The following MGAT4B variants were observed in gnomAD, a reference collection of about 807,000 sequenced individuals.
MGAT4B encodes N-acetylglucosaminyltransferase IVb.
MGAT4B carries 38 observed loss-of-function variants against 73.9 expected under a neutral mutation model. The observed-to-expected ratio is 0.51, with a 90% CI of 0.40 to 0.67. MGAT4B has a LOEUF of 0.67. Among genes scored for constraint, MGAT4B ranks in the 30% least tolerant of loss-of-function variants. The pLI, the probability that MGAT4B is intolerant of heterozygous loss-of-function variation, is 0.00. For synonymous variants in MGAT4B, 373 were observed against 313.5 expected (o/e 1.19, Z -2.01); for missense variants, 686 against 735.2 (o/e 0.93, Z 0.77).
rs1209690142 is a variant in MGAT4B, at chr5:179,799,979, C to G, written c.885G>C (p.Leu295=). ...LQQPSEDWMI[L]EFSQLGFIGK... Reference sequence around the variant, plus strand: ...CAATGAAGCCCAGCTGGGAGAACTCCAGGATCATCCAGTCCTCTGAAGGCT... The same window carrying G: ...CAATGAAGCCCAGCTGGGAGAACTCGAGGATCATCCAGTCCTCTGAAGGCT... The change falls in exon 8 of 15, where the codon CTG becomes CTC. Residue 295 remains leucine (L), a synonymous_variant. Transcript: ENST00000292591. 6.2e-7 allele frequency: 1 copy of G among 1,613,938 alleles called. No individual in the cohort carries two copies. The highest frequency in any genetic ancestry group is 1.1e-5 in the South Asian group (1 of 91,078).
In MGAT4B at chr5:179,799,194, G is replaced by A; in HGVS notation, c.1149+9C>T. The A allele has an allele frequency of 1.9e-6, 3 of 1,613,946 alleles. No individual in the cohort carries two copies. The highest frequency in any genetic ancestry group is 2.5e-6 in the Non-Finnish European group (3 of 1,180,022). ...TCCCGGCCTAGGGAGAGCGTGCAGT[G>A]CAGCCCACCTTCAGTTTCTGGATCT... On this transcript the variant is annotated intron_variant, in intron 10 of 14. Coordinates refer to ENST00000292591, the MANE Select transcript of MGAT4B (RefSeq NM_014275.5).
chr5:179,797,865 G>C lies in MGAT4B; in HGVS notation c.*180C>G. On this transcript the variant is annotated 3_prime_UTR_variant, in exon 15 of 15. Coordinates refer to ENST00000292591, the MANE Select transcript of MGAT4B (RefSeq NM_014275.5). ...TGCCTCCTCCGCGGCCCGGCGGGCG[G>C]GGGCAGCACCAGCTCCTAGGGCCTC... 1.2e-6 allele frequency: 1 copy of C among 841,540 alleles called. No individual in the cohort carries two copies. Among genetic ancestry groups the C allele is most frequent in the Non-Finnish European group, 1.8e-6 (1 of 562,028 alleles). 52.1% of individuals were successfully genotyped at this position (841,540 alleles called of 1,614,324 possible).
chr5:179,801,471 T>C lies in MGAT4B; in HGVS notation c.425-4A>G. 6.2e-7 allele frequency: 1 copy of C among 1,604,884 alleles called. No homozygotes were observed. Among genetic ancestry groups the C allele is most frequent in the African/African-American group, 1.3e-5 (1 of 74,814 alleles). ...GGGATGCCCATCACCACCGACACTATGGGGGACGGAGGCCCGACGCTGGAA... is the reference window on the plus strand; with the variant it reads ...GGGATGCCCATCACCACCGACACTACGGGGGACGGAGGCCCGACGCTGGAA... On this transcript the variant is annotated splice_polypyrimidine_tract_variant and splice_region_variant and intron_variant, in intron 3 of 14. Transcript: ENST00000292591. The surrounding 1 kb of genome is among the most constrained non-coding windows in gnomAD (Gnocchi z 4.8).
intron 8 of MGAT4B, 40 bp downstream of exon 8, chr5:179,799,914 T>C: frequency 1.3e-6 from 2 of 1,539,098 alleles, no homozygotes; most frequent in Non-Finnish European, 1.8e-6. Context: ...CAGAGGCAGG[T>C]GGGACTGAAA....
At chr5:179,798,840 GA>G (rs1756774743) in intron 11 of MGAT4B, 87 bp downstream of exon 11, 4 of 1,478,834 alleles carry the variant, frequency 2.7e-6, no homozygotes, top group Non-Finnish European at 3.7e-6. Flanking sequence ...GGAAACTGAA[GA>G]ACGTGAGGAT....
chr5:179,797,914 C>G lies in MGAT4B; in HGVS notation c.*131G>C. On this transcript the variant is annotated 3_prime_UTR_variant, in exon 15 of 15. Transcript: ENST00000292591. ...TCCGGGCCAGCGGCGGACCCCAGGC[C>G]GGCCCAAGCCCGACGCCAGGCAGAA... The G allele has an allele frequency of 7.5e-7, 1 of 1,328,674 alleles. No homozygotes were observed. Among genetic ancestry groups the G allele is most frequent in the Admixed American group, 2.2e-5 (1 of 45,766 alleles). The allele number at this position is 1,328,674 out of a possible 1,614,324, so 82.3% of individuals were successfully genotyped here.
chr5:179,797,979 A>C lies in MGAT4B; in HGVS notation c.*66T>G. On this transcript the variant is annotated 3_prime_UTR_variant, in exon 15 of 15. Coordinates refer to ENST00000292591, the MANE Select transcript of MGAT4B (RefSeq NM_014275.5). ...CCGTATCTGGCCCTCCGGGGACGGC[A>C]GTGACGACACCCCCAGAAATGTGGG... 1 of 1,559,554 alleles carries C rather than the reference A, an allele frequency of 6.4e-7. No homozygotes were observed. The highest frequency in any genetic ancestry group is 1.4e-5 in the African/African-American group (1 of 73,768).
At position 179,798,075 on chromosome 5, in the gene MGAT4B, G is replaced by C. The variant is rs1416585367; in HGVS notation, c.1624-7C>G. ...CGGCCTTTTTCAGGAAGATCTGGAA[G>C]AGCCGGACCCAGGGTCAGCAGGGCC... On this transcript the variant is annotated splice_polypyrimidine_tract_variant and splice_region_variant and intron_variant, in intron 14 of 14. Transcript: ENST00000292591. The C allele has an allele frequency of 2.5e-6, 4 of 1,609,198 alleles. No individual in the cohort carries two copies. In the Admixed American group the frequency reaches 5.0e-5, roughly 20 times the overall value.
At chr5:179,805,252 G>A (rs897099912) in intron 1 of MGAT4B, 1 of 152,296 alleles carries the variant, frequency 6.6e-6, no homozygotes, top group African/African-American at 2.4e-5. Context: ...CAAAGAGCAT[G>A]CCCCAGCCCT....
At position 179,806,378 on chromosome 5, in the gene MGAT4B, AGG is replaced by A; in HGVS notation, c.97+107_97+108del. 2.0e-6 allele frequency: 1 copy of A among 493,826 alleles called. No homozygotes were observed. Among genetic ancestry groups the A allele is most frequent in the Non-Finnish European group, 2.7e-6 (1 of 366,256 alleles). 30.6% of individuals were successfully genotyped at this position (493,826 alleles called of 1,614,324 possible). On this transcript the variant is annotated intron_variant, in intron 1 of 14. Coordinates refer to ENST00000292591, the MANE Select transcript of MGAT4B (RefSeq NM_014275.5). The surrounding 1 kb of genome is among the most constrained non-coding windows in gnomAD (Gnocchi z 4.6). ...CGTCCTCGCGCCGCCCGGGCGGGGAAGGGGCGCCTGCGTCGGCTTCCGGCCGC... is the reference window on the plus strand; with the variant it reads ...CGTCCTCGCGCCGCCCGGGCGGGGAAGGCGCCTGCGTCGGCTTCCGGCCGC...
In MGAT4B at chr5:179,798,707, C is replaced by CTGTG; in HGVS notation, c.1344-120_1344-117dup. 3.2e-6 allele frequency: 4 copies of CTGTG among 1,262,764 alleles called. No individual in the cohort carries two copies. The South Asian group carries it at 5.0e-5, about 16-fold the overall frequency. The allele number at this position is 1,262,764 out of a possible 1,614,324, so 78.2% of individuals were successfully genotyped here. On this transcript the variant is annotated intron_variant, in intron 11 of 14. Transcript: ENST00000292591. Reference sequence around the variant, plus strand: ...GAGGGCCCCCCAGGCAGCTGTCAGGCTGTGCAAAGAGACCAGGGCCTTCCT... The same window carrying CTGTG: ...GAGGGCCCCCCAGGCAGCTGTCAGGCTGTGTGTGCAAAGAGACCAGGGCCTTCCT...
Position 179,800,412 on chromosome 5 carries a change from A to C in MGAT4B, c.719+72T>G, listed in dbSNP as rs1434940316. On this transcript the variant is annotated intron_variant, in intron 6 of 14. Transcript: ENST00000292591. ...AGGGCACTGCAGGGAAACACCCTGGACTCAAACACCAGTAGATGGGTTCTC... is the reference window on the plus strand; with the variant it reads ...AGGGCACTGCAGGGAAACACCCTGGCCTCAAACACCAGTAGATGGGTTCTC... 1.1e-5 allele frequency: 16 copies of C among 1,412,846 alleles called. 1 individual carries two copies. The highest frequency in any genetic ancestry group is 1.6e-5 in the Non-Finnish European group (16 of 1,007,806). The allele number at this position is 1,412,846 out of a possible 1,614,324, so 87.5% of individuals were successfully genotyped here.
chr5:179,802,827 G>A, intron 1 of MGAT4B: 1 of 985,576 alleles, frequency 1.0e-6, no homozygotes, highest in African/African-American at 1.7e-5. Flanking sequence ...GGTGCCCACA[G>A]TCCACGCAGC....
rs1289032015 is a variant in MGAT4B, at chr5:179,797,752, G to A, written c.*293C>T. ...AGTGTTCGCGCCAGAGACGGCGGGC[G>A]CCCAAGTAAAAGCTCTTCTAAAACG... is the stretch of plus-strand genomic sequence containing the variant. On this transcript the variant is annotated 3_prime_UTR_variant, in exon 15 of 15. Coordinates refer to ENST00000292591, the MANE Select transcript of MGAT4B (RefSeq NM_014275.5). 3 of 388,388 alleles carry A rather than the reference G, an allele frequency of 7.7e-6. No homozygotes were observed. Among genetic ancestry groups the A allele is most frequent in the Non-Finnish European group, 9.2e-6 (2 of 217,174 alleles). The allele number at this position is 388,388 out of a possible 1,614,324, so 24.1% of individuals were successfully genotyped here.
Position 179,806,509 on chromosome 5 carries a change from G to A in MGAT4B, c.75C>T (p.Tyr25=). 2 of 1,327,408 alleles carry A rather than the reference G, an allele frequency of 1.5e-6. No homozygotes were observed. Among genetic ancestry groups the A allele is most frequent in the South Asian group, 1.5e-5 (1 of 68,656 alleles). The allele number at this position is 1,327,408 out of a possible 1,614,324, so 82.2% of individuals were successfully genotyped here. A position where few individuals can be genotyped will look rare whatever the true frequency, so the allele number is the denominator to read the frequency against. The part of the protein sequence containing the change: ...CLCAFLSLSW[Y]AALSGQKGDV... ...CACCTTTCTGGCCGCTGAGTGCCGC[G>A]TACCAGGACAGCGAGAGGAAGGCGC... The change falls in exon 1 of 15, where the codon TAC becomes TAT. Residue 25 remains tyrosine, a synonymous_variant. Coordinates refer to ENST00000292591, the MANE Select transcript of MGAT4B (RefSeq NM_014275.5). The surrounding 1 kb of genome is among the most constrained non-coding windows in gnomAD (Gnocchi z 4.6).
At chr5:179,804,284 C>T (rs1757054033) in intron 1 of MGAT4B, among the ~76,000 whole-genome samples, 1 of 152,228 alleles carries the variant, frequency 6.6e-6, no homozygotes, top group Admixed American at 6.5e-5. Flanking sequence ...TCTGCTGTCA[C>T]CATGCATGTG....
At position 179,801,932 on chromosome 5, in the gene MGAT4B, C is replaced by A; in HGVS notation, c.135G>T (p.Ala45=). ...CAGCTGCGTGCAACCGATCGCGCAG[C>A]GCCAGGAACTCCCGCTGGTAAACGT... ...VVDVYQREFL[A]LRDRLHAAEQ... is the part of the protein sequence containing the mutation. The change falls in exon 2 of 15, where the codon GCG becomes GCT. Residue 45 remains alanine, a synonymous_variant. Coordinates refer to ENST00000292591, the MANE Select transcript of MGAT4B (RefSeq NM_014275.5). This position sits in a 1 kb window ranked among gnomAD's most constrained non-coding sequence, Gnocchi z 4.8. 1 of 1,613,352 alleles carries A rather than the reference C, an allele frequency of 6.2e-7. No individual in the cohort carries two copies. The highest frequency in any genetic ancestry group is 2.2e-5 in the East Asian group (1 of 44,876).
At chr5:179,800,710 C>A in intron 5 of MGAT4B, 113 bp from the exon 6 acceptor site, 1 of 1,043,620 alleles carries the variant, frequency 9.6e-7, no homozygotes, top group Non-Finnish European at 1.4e-6. Flanking sequence ...CCCCACCACC[C>A]CCTACACCCA....
intron 1 of MGAT4B, among the ~76,000 whole-genome samples, chr5:179,804,710 C>A (rs1448374412): frequency 6.6e-6 from 1 of 152,144 alleles, no homozygotes; most frequent in Non-Finnish European, 1.5e-5. Flanking sequence ...TTCCTGGACC[C>A]CCGCTGGCTG....
Sources: gnomAD v4.1 joint callset for allele counts (sites outside exome capture counted in the v4.1 genomes callset) on GRCh38, gnomAD v4.1.1 for gene constraint, Gnocchi (gnomAD v3.1) non-coding constraint, MANE v1.5 for transcripts, NCBI Gene and HGNC (gene_info 2026-07-23, HGNC 2026-07-21) for gene names.